The following PTPN13 variants were observed in gnomAD, a reference collection of about 807,000 sequenced individuals.
The protein encoded by PTPN13 is tyrosine-protein phosphatase non-receptor type 13.
A neutral mutation model predicts 284.0 loss-of-function variants in PTPN13; 191 were observed. The ratio of observed to expected loss-of-function variants is 0.67; its 90% CI spans 0.60 to 0.76. The LOEUF (loss-of-function observed/expected upper bound fraction) is 0.76, where lower values mean the gene tolerates loss of function less well. Among genes scored for constraint, PTPN13 ranks in the 30% least tolerant of loss-of-function variants. The pLI, the probability that PTPN13 is intolerant of heterozygous loss-of-function variation, is 0.00. For missense variants in PTPN13, 2,797 were observed against 2,939.9 expected, an observed-to-expected ratio of 0.95 and a Z score of 1.12; for synonymous variants, 986 against 1,022.3, an observed-to-expected ratio of 0.96 and a Z score of 0.68.
chr4:86,787,335 G>A (rs1419153735), intron 40 of PTPN13, among the ~76,000 whole-genome samples: 1 of 152,094 alleles, frequency 6.6e-6, no homozygotes, highest in Admixed American at 6.6e-5. Context: ...GCTCACGCCT[G>A]TAATCCCAGC....
intron 2 of PTPN13, among the ~76,000 whole-genome samples, chr4:86,637,929 C>A (rs1203538398): frequency 5.9e-5 from 9 of 151,694 alleles, no homozygotes; most frequent in African/African-American, 1.9e-4. Context: ...ATCTAGAAAA[C>A]CCCATCGTCT....
chr4:86,606,448 A>G (rs1764747448), intron 1 of PTPN13, among the ~76,000 whole-genome samples: 1 of 151,872 alleles, frequency 6.6e-6, no homozygotes, highest in Non-Finnish European at 1.5e-5. Context: ...TAGGATTCAT[A>G]ATTTAAAATT....
intron 35 of PTPN13, among the ~76,000 whole-genome samples, chr4:86,776,412 A>G (rs865873036): frequency 9.2e-5 from 14 of 152,192 alleles, no homozygotes; most frequent in African/African-American, 3.1e-4. Flanking sequence ...TCCCACCTGT[A>G]TACCACATCA....
rs372352726 is a variant in PTPN13, at chr4:86,774,388, A to G, written c.5365A>G (p.Ile1789Val). ...EDFELEVELL[I>V]TLIKSEKGSL... ...TTTCCCTTAGGAAGTAGAACTCCTC[A>G]TTACCCTAATTAAATCAGAAAAAGG... The change falls in exon 33 of 48, where the codon ATT (isoleucine) becomes GTT (valine). Residue 1789 changes from isoleucine (I) to valine (V), a missense_variant. Transcript: ENST00000411767. 39 of 1,606,510 alleles carry G rather than the reference A, an allele frequency of 2.4e-5. No homozygotes were observed. The highest frequency in any genetic ancestry group is 4.5e-5 in the South Asian group (4 of 89,124).
At chr4:86,734,277 C>G in intron 12 of PTPN13, 26 bp from the exon 13 acceptor site, 3 of 1,398,242 alleles carry the variant, frequency 2.1e-6, no homozygotes, top group Non-Finnish European at 1.9e-6. Context: ...TTTATTTTAT[C>G]TGAATATTTT....
At chr4:86,683,853 A>G (rs760237116) in intron 3 of PTPN13, among the ~76,000 whole-genome samples, 1 of 152,218 alleles carries the variant, frequency 6.6e-6, no homozygotes, top group Non-Finnish European at 1.5e-5. Context: ...CAAAATTAAT[A>G]TAATTGAGCA....
At chr4:86,789,529 G>T (rs1742371861) in intron 40 of PTPN13, among the ~76,000 whole-genome samples, 1 of 152,090 alleles carries the variant, frequency 6.6e-6, no homozygotes, top group Non-Finnish European at 1.5e-5. Context: ...TACCTTATTT[G>T]CATGTGACTC....
intron 2 of PTPN13, among the ~76,000 whole-genome samples, chr4:86,648,613 T>G (rs148636600): frequency 5.7e-4 from 87 of 152,306 alleles, no homozygotes; most frequent in African/African-American, 1.9e-3. Flanking sequence ...CCCCATTTTC[T>G]TTACCCATTC....
Position 86,785,889 on chromosome 4 carries a change from G to A in PTPN13, c.6298G>A (p.Glu2100Lys), listed in dbSNP as rs372303033. The change falls in exon 40 of 48, where the codon GAA becomes AAA. Residue 2100 changes from glutamate (E) to lysine (K), a missense_variant. Physicochemically the swap from Glu to Lys is moderately conservative, Grantham distance 56 (BLOSUM62 1). Coordinates refer to ENST00000411767, the MANE Select transcript of PTPN13 (RefSeq NM_080683.3). ...TGGGAAGTTATCAGAAGAGAGAACA[G>A]AAGATACAGACTGCGATGGTTCACC... ...MNGKLSEERT[E>K]DTDCDGSPLP... The A allele has an allele frequency of 6.4e-6, 10 of 1,569,422 alleles. No individual in the cohort carries two copies. The highest frequency in any genetic ancestry group is 1.9e-5 in the Admixed American group (1 of 53,830).
rs1000420964 is a variant in PTPN13, at chr4:86,803,950, T to A, written c.6654+93T>A. 6.3e-6 allele frequency: 9 copies of A among 1,425,820 alleles called. No individual in the cohort carries two copies. In the African/African-American group the frequency reaches 1.3e-4, roughly 20 times the overall value. 88.3% of individuals were successfully genotyped at this position (1,425,820 alleles called of 1,614,324 possible). A position where few individuals can be genotyped will look rare whatever the true frequency, so the allele number is the denominator to read the frequency against. On this transcript the variant is annotated intron_variant, in intron 43 of 47. Transcript: ENST00000411767. The stretch of plus-strand genomic sequence containing the variant: ...TTACTGGCCCAAGATTAGAAGAATT[T>A]TTGAAAATTTTCCAACTCTAAAAGC...
At chr4:86,724,718 T>C (rs900283683) in intron 10 of PTPN13, among the ~76,000 whole-genome samples, 1 of 152,184 alleles carries the variant, frequency 6.6e-6, no homozygotes, top group African/African-American at 2.4e-5. Flanking sequence ...TTAGGATTTT[T>C]TTTTCTTTTG....
In PTPN13 at chr4:86,811,190, T is replaced by G. The variant is rs1431730133; in HGVS notation, c.7362+82T>G. 117 of 1,316,224 alleles carry G rather than the reference T, an allele frequency of 8.9e-5. 1 individual carries two copies. The highest frequency in any genetic ancestry group is 1.2e-4 in the Non-Finnish European group (117 of 970,342). 81.5% of individuals were successfully genotyped at this position (1,316,224 alleles called of 1,614,324 possible). A position where few individuals can be genotyped will look rare whatever the true frequency, so the allele number is the denominator to read the frequency against. Reference sequence around the variant, plus strand: ...AAGGTTCTTATTAAACCATTTTTCTTTTTTGAGAGTTCCCATGTTAGAGCA... The same window carrying G: ...AAGGTTCTTATTAAACCATTTTTCTGTTTTGAGAGTTCCCATGTTAGAGCA... On this transcript the variant is annotated intron_variant, in intron 47 of 47. Transcript: ENST00000411767.
At chr4:86,682,491 T>C (rs978644614) in intron 3 of PTPN13, among the ~76,000 whole-genome samples, 15 of 152,130 alleles carry the variant, frequency 9.9e-5, no homozygotes, top group Admixed American at 9.2e-4. Flanking sequence ...ATATCTTTAA[T>C]AAAAGATTTA....
At chr4:86,790,542 C>T (rs1742500866) in intron 40 of PTPN13, among the ~76,000 whole-genome samples, 1 of 152,136 alleles carries the variant, frequency 6.6e-6, no homozygotes, top group African/African-American at 2.4e-5. Flanking sequence ...AAGTGCCACA[C>T]ACACACACAC....
rs796389778 is a variant in PTPN13 at position 86,718,455 on chromosome 4, C to CTTTTTTTTTTTTTTTT, written c.1385+1351_1385+1352insTTTTTTTTTTTTTTTT. Among the ~76,000 whole-genome samples, 8 of 140,162 alleles carry CTTTTTTTTTTTTTTTT rather than the reference C, an allele frequency of 5.7e-5. 1 individual carries two copies. The highest frequency in any genetic ancestry group is 1.1e-4 in the Non-Finnish European group (7 of 62,764). 92.0% of individuals were successfully genotyped at this position (140,162 alleles called of 152,430 possible). ...AAATTATTCTTTAGTTAATGGTCCA[C>CTTTTTTTTTTTTTTTT]TTTTTTTTTTTTTGAGACAGAGTCT... On this transcript the variant is annotated intron_variant, in intron 9 of 47. Transcript: ENST00000411767.
In PTPN13 at chr4:86,782,319, T is replaced by C. The variant is rs866992276; in HGVS notation, c.6024+57T>C. ...ACCTCCTTATCTGAGGAACTGCATG[T>C]TTGTGTTTTGAACCAAACTGATTTC... On this transcript the variant is annotated intron_variant, in intron 37 of 47. Coordinates refer to ENST00000411767, the MANE Select transcript of PTPN13 (RefSeq NM_080683.3). The C allele has an allele frequency of 2.8e-5, 41 of 1,438,760 alleles. No individual in the cohort carries two copies. The South Asian group carries it at 4.1e-4, about 15-fold the overall frequency. 89.1% of individuals were successfully genotyped at this position (1,438,760 alleles called of 1,614,324 possible). A position where few individuals can be genotyped will look rare whatever the true frequency, so the allele number is the denominator to read the frequency against.
intron 1 of PTPN13, among the ~76,000 whole-genome samples, chr4:86,609,224 T>C (rs1765054336): frequency 2.0e-5 from 3 of 152,226 alleles, no homozygotes; most frequent in South Asian, 2.1e-4. Context: ...GAAAATAGTT[T>C]AGATGATCAT....
intron 1 of PTPN13, among the ~76,000 whole-genome samples, chr4:86,612,644 A>G (rs556701256): frequency 4.0e-4 from 61 of 152,214 alleles, no homozygotes; most frequent in Non-Finnish European, 7.9e-4. Flanking sequence ...AAACTGTTCA[A>G]CACCTCTGAT....
At chr4:86,700,735 T>C (rs371835395) in intron 6 of PTPN13, among the ~76,000 whole-genome samples, 1 of 152,206 alleles carries the variant, frequency 6.6e-6, no homozygotes, top group East Asian at 1.9e-4. Context: ...TTCGAAATGC[T>C]ACAATCCTAT....
Sources: gnomAD v4.1 joint callset for allele counts (sites outside exome capture counted in the v4.1 genomes callset) on GRCh38, gnomAD v4.1.1 for gene constraint, MANE v1.5 for transcripts, NCBI Gene and HGNC (gene_info 2026-07-23, HGNC 2026-07-21) for gene names.